Variants in CDH19 observed in about 807,000 individuals in gnomAD.
CDH19 encodes the protein cadherin-19.
A neutral mutation model predicts 64.2 loss-of-function variants in CDH19; 67 were observed. The ratio of observed to expected loss-of-function variants is 1.04; its 90% CI spans 0.86 to 1.28. The LOEUF is 1.28. Among genes scored for constraint, CDH19 ranks in the 50% most tolerant of loss-of-function variants. CDH19 has a pLI of 0.00. For missense variants in CDH19, 1,030 were observed against 929.0 expected (o/e 1.11, Z -1.41); for synonymous variants, 346 against 319.3 (o/e 1.08, Z -0.89).
chr18:66,522,407 C>G (rs1156730876), intron 9 of CDH19, among the ~76,000 whole-genome samples: 1 of 151,992 alleles, frequency 6.6e-6, no homozygotes, highest in Non-Finnish European at 1.5e-5. Context: ...TTCGCCACTA[C>G]GCCCGGCTAA....
intron 11 of CDH19, 61 bp from the exon 12 acceptor site, chr18:66,505,363 T>G: frequency 8.0e-7 from 1 of 1,256,420 alleles, no homozygotes; most frequent in Non-Finnish European, 1.1e-6. Context: ...AACATTACAG[T>G]CTTTGCTCTC....
intron 3 of CDH19, among the ~76,000 whole-genome samples, chr18:66,567,417 A>AAAATAGAGT (rs1309571241): frequency 2.6e-5 from 4 of 151,550 alleles, no homozygotes; most frequent in African/African-American, 9.7e-5. Context: ...CCTACCTACC[A>AAAATAGAGT]AAATAGAGTA....
intron 1 of CDH19, among the ~76,000 whole-genome samples, chr18:66,600,006 T>C (rs558115911): frequency 3.3e-5 from 5 of 151,930 alleles, no homozygotes; most frequent in Non-Finnish European, 5.9e-5. Flanking sequence ...AGTTAATTCA[T>C]GTTACAAGCT....
At chr18:66,574,196 C>T (rs1599027970) in intron 1 of CDH19, among the ~76,000 whole-genome samples, 1 of 151,568 alleles carries the variant, frequency 6.6e-6, no homozygotes. Flanking sequence ...CTGAATGTTG[C>T]TAATTGTATC....
chr18:66,546,902 G>T (rs114837811), intron 5 of CDH19, among the ~76,000 whole-genome samples: 2,989 of 152,162 alleles, frequency 0.02, 108 homozygotes, highest in African/African-American at 0.068. Context: ...GAAACACTAA[G>T]ATTTCAAGAG....
intron 9 of CDH19, among the ~76,000 whole-genome samples, chr18:66,528,965 A>G (rs1272932459): frequency 6.6e-6 from 1 of 151,914 alleles, no homozygotes; most frequent in Non-Finnish European, 1.5e-5. Context: ...TTAAAGAAAA[A>G]CAGCTTATGG....
chr18:66,515,125 A>C lies in CDH19; in HGVS notation c.1459-3440T>G, dbSNP rs1214657732. On this transcript the variant is annotated intron_variant, in intron 9 of 11. Transcript: ENST00000262150. ...AATAAACAATAAAAAAATGCTTCTCAATAGAAAAATGTTAAACAAAAAGTT... is the reference window on the plus strand; with the variant it reads ...AATAAACAATAAAAAAATGCTTCTCCATAGAAAAATGTTAAACAAAAAGTT... Among the ~76,000 whole-genome samples the C allele has an allele frequency of 1.7e-4, 26 of 151,710 alleles. 1 individual carries two copies. The highest frequency in any genetic ancestry group is 1.7e-3 in the Admixed American group (26 of 15,194).
intron 1 of CDH19, among the ~76,000 whole-genome samples, chr18:66,601,185 A>G (rs1422689447): frequency 2.0e-5 from 3 of 151,908 alleles, no homozygotes; most frequent in African/African-American, 7.2e-5. Context: ...AAAGTCATAT[A>G]TTCTCCACCA....
At chr18:66,584,775 T>A (rs1988527218) in intron 1 of CDH19, among the ~76,000 whole-genome samples, 1 of 152,094 alleles carries the variant, frequency 6.6e-6, no homozygotes, top group Non-Finnish European at 1.5e-5. Context: ...TTCCTGTGTG[T>A]TTGCAGTCAA....
At chr18:66,535,644 T>C (rs1215099569) in intron 7 of CDH19, among the ~76,000 whole-genome samples, 1 of 146,920 alleles carries the variant, frequency 6.8e-6, no homozygotes, top group African/African-American at 2.5e-5. Flanking sequence ...AACATATATA[T>C]AATACATTAT....
At chr18:66,552,242 TG>T (rs1334870458) in intron 4 of CDH19, among the ~76,000 whole-genome samples, 3 of 151,868 alleles carry the variant, frequency 2.0e-5, no homozygotes, top group Non-Finnish European at 4.4e-5. Flanking sequence ...ACAATAAACT[TG>T]TGAAAAAAAT....
At chr18:66,598,662 C>CTA (rs1294985073) in intron 1 of CDH19, among the ~76,000 whole-genome samples, 1 of 151,992 alleles carries the variant, frequency 6.6e-6, no homozygotes, top group East Asian at 1.9e-4. Context: ...CAGTAATAGA[C>CTA]ACTGGGGCCT....
rs774250388 is a variant in CDH19 at position 66,572,253 on chromosome 18, C to T, written c.-49G>A. The T allele has an allele frequency of 1.9e-5, 27 of 1,423,644 alleles. 1 individual carries two copies. The highest frequency in any genetic ancestry group is 3.8e-5 in the Admixed American group (2 of 52,900). The allele number at this position is 1,423,644 out of a possible 1,614,324, so 88.2% of individuals were successfully genotyped here. On this transcript the variant is annotated 5_prime_UTR_variant, in exon 2 of 12. Transcript: ENST00000262150. ...CTATTACTCTTCAGAGGAAACAGGA[C>T]GTCACTAACAAAAATCTTGCTTTCT...
chr18:66,595,898 T>A (rs1988874634), intron 1 of CDH19, among the ~76,000 whole-genome samples: 2 of 152,084 alleles, frequency 1.3e-5, no homozygotes, highest in South Asian at 4.1e-4. Context: ...CTGGTGAACA[T>A]AGATTCAAAA....
intron 1 of CDH19, among the ~76,000 whole-genome samples, chr18:66,594,929 G>A (rs1471521392): frequency 1.4e-4 from 21 of 150,568 alleles, no homozygotes; most frequent in African/African-American, 2.9e-4. Flanking sequence ...TGGGTGCAGC[G>A]CACCAGCATG....
At chr18:66,562,380 G>A (rs1440475738) in intron 3 of CDH19, among the ~76,000 whole-genome samples, 3 of 151,786 alleles carry the variant, frequency 2.0e-5, no homozygotes, top group Admixed American at 2.0e-4. Context: ...TTCCTCACAT[G>A]TGCAGTTCAC....
In CDH19 at chr18:66,502,855, T is replaced by C. The variant is rs375878969; in HGVS notation, c.*1957A>G. 6.6e-6 allele frequency: 1 copy of C among 152,016 alleles called. No individual in the cohort carries two copies. Among genetic ancestry groups the C allele is most frequent in the East Asian group, 1.9e-4 (1 of 5,168 alleles). 9.4% of individuals were successfully genotyped at this position (152,016 alleles called of 1,614,324 possible). A position where few individuals can be genotyped will look rare whatever the true frequency, so the allele number is the denominator to read the frequency against. ...TCTTCCTAAATTATTTCACTTCAAA[T>C]CTGGTTTTCTCAAGCTTTTGTGAAA... On this transcript the variant is annotated 3_prime_UTR_variant, in exon 12 of 12. Transcript: ENST00000262150.
chr18:66,578,240 A>G (rs1055478835), intron 1 of CDH19, among the ~76,000 whole-genome samples: 1 of 152,012 alleles, frequency 6.6e-6, no homozygotes, highest in African/African-American at 2.4e-5. Flanking sequence ...TGTTAATTAT[A>G]TATCTTGTAT....
rs1456003139 is a variant in CDH19, at chr18:66,547,435, G to T, written c.776-2532C>A. On this transcript the variant is annotated intron_variant, in intron 5 of 11. Transcript: ENST00000262150. ...AGAATTGTGGAGGCTATCAATTCAGGCTGGGGGAAAAATTATGGTTGACCT... is the reference window on the plus strand; with the variant it reads ...AGAATTGTGGAGGCTATCAATTCAGTCTGGGGGAAAAATTATGGTTGACCT... Among the ~76,000 whole-genome samples, 3 of 152,002 alleles carry T rather than the reference G, an allele frequency of 2.0e-5. No homozygotes were observed. The East Asian group carries it at 5.8e-4, about 29-fold the overall frequency.
Sources: gnomAD v4.1 joint callset for allele counts (sites outside exome capture counted in the v4.1 genomes callset) on GRCh38, gnomAD v4.1.1 for gene constraint, MANE v1.5 for transcripts, NCBI Gene and HGNC (gene_info 2026-07-23, HGNC 2026-07-21) for gene names.